EGFL6: variants seen among roughly 807,000 people sequenced by gnomAD.
The protein encoded by EGFL6 is EGF like domain multiple 6, also known as epidermal growth factor-like protein 6.
Under a neutral mutation model 43.1 loss-of-function variants are expected in EGFL6, and 42 were observed. That is an observed-to-expected ratio of 0.98 (90% CI 0.76 to 1.26). The LOEUF is 1.26. EGFL6 is among the 50% of genes most tolerant of loss of function. EGFL6 has a pLI of 0.00. For missense variants in EGFL6, 429 were observed against 427.8 expected (o/e 1.00, Z -0.02); for synonymous variants, 164 against 163.2 (o/e 1.01, Z -0.04).
rs1192643346 is a variant in EGFL6, at chrX:13,602,726, A to G, written c.401-591A>G. ...TGTATCTCTTTGGCCACACTGCATC[A>G]TATGGCCACTCCTTGCTGAAGGAAA... On this transcript the variant is annotated intron_variant, in intron 4 of 11. Coordinates refer to ENST00000361306, the MANE Select transcript of EGFL6 (RefSeq NM_015507.4). Among the ~76,000 whole-genome samples the G allele has an allele frequency of 2.7e-5, 3 of 112,260 alleles. No individual in the cohort carries two copies. In the East Asian group the frequency reaches 8.3e-4, roughly 31 times the overall value.
chrX:13,595,309 A>C (rs988622240), intron 3 of EGFL6, among the ~76,000 whole-genome samples: 6 of 111,868 alleles, frequency 5.4e-5, no homozygotes, highest in Non-Finnish European at 9.4e-5. Context: ...ATTTTTAAAA[A>C]TCCAGCAGTG....
rs1287900197 is a variant in EGFL6, at chrX:13,569,623, C to T, written c.-239C>T. 3.8e-5 allele frequency: 14 copies of T among 372,787 alleles called. No individual in the cohort carries two copies. The East Asian group carries it at 4.4e-4, about 12-fold the overall frequency. The allele number at this position is 372,787 out of a possible 1,213,427, so 30.7% of individuals were successfully genotyped here. On this transcript the variant is annotated 5_prime_UTR_variant, in exon 1 of 12. Coordinates refer to ENST00000361306, the MANE Select transcript of EGFL6 (RefSeq NM_015507.4). ...CTCGCTCACCCCGTCCAGCTTCATCCGCAGAGGAGCCTCGGCCAGGCTTGC... is the reference window on the plus strand; with the variant it reads ...CTCGCTCACCCCGTCCAGCTTCATCTGCAGAGGAGCCTCGGCCAGGCTTGC...
intron 1 of EGFL6, among the ~76,000 whole-genome samples, chrX:13,572,768 T>C (rs958695603): frequency 8.9e-6 from 1 of 112,027 alleles, no homozygotes; most frequent in African/African-American, 3.2e-5. Flanking sequence ...GGGTAATTGA[T>C]TTTTCTCAAA....
intron 7 of EGFL6, among the ~76,000 whole-genome samples, chrX:13,616,610 CA>C (rs748286483): frequency 0.01 from 874 of 84,050 alleles, 9 homozygotes; most frequent in African/African-American, 0.032. Context: ...AACTCTGTCT[CA>C]AAAAAAAAAA....
intron 10 of EGFL6, among the ~76,000 whole-genome samples, chrX:13,625,902 AAG>A (rs2045777779): frequency 2.6e-5 from 1 of 38,440 alleles, no homozygotes; most frequent in Non-Finnish European, 5.9e-5. Context: ...AAAAAAAAAA[AAG>A]AAAAAGAAAA....
At chrX:13,581,618 A>C (rs998705971) in intron 1 of EGFL6, among the ~76,000 whole-genome samples, 3 of 112,456 alleles carry the variant, frequency 2.7e-5, no homozygotes, top group Admixed American at 9.4e-5. Context: ...GTTTTCTGGA[A>C]TCTGACCATA....
chrX:13,630,886 C>T (rs1013474794), intron 11 of EGFL6, among the ~76,000 whole-genome samples: 3 of 112,303 alleles, frequency 2.7e-5, no homozygotes, highest in Non-Finnish European at 5.6e-5. Context: ...TTGTTGTGAG[C>T]ATGATTCTTA....
chrX:13,616,153 T>C (rs935142938), intron 7 of EGFL6, among the ~76,000 whole-genome samples: 1 of 112,429 alleles, frequency 8.9e-6, no homozygotes, highest in Non-Finnish European at 1.9e-5. Flanking sequence ...AATTAATTAC[T>C]TCTTTACATC....
Position 13,617,723 on chromosome X carries a change from G to A in EGFL6, c.779-7G>A. 1 of 1,181,748 alleles carries A rather than the reference G, an allele frequency of 8.5e-7. No homozygotes were observed. Among genetic ancestry groups the A allele is most frequent in the Non-Finnish European group, 1.1e-6 (1 of 878,633 alleles). ...ATTTGGAACATATTGCCTCTTATTTGTTTTAGCTATCCCTGAAAATTCTGT... is the reference window on the plus strand; with the variant it reads ...ATTTGGAACATATTGCCTCTTATTTATTTTAGCTATCCCTGAAAATTCTGT... On this transcript the variant is annotated splice_polypyrimidine_tract_variant and splice_region_variant and intron_variant, in intron 7 of 11. Transcript: ENST00000361306.
chrX:13,632,427 A>G (rs1024738976), intron 11 of EGFL6, among the ~76,000 whole-genome samples: 9 of 106,401 alleles, frequency 8.5e-5, no homozygotes, highest in African/African-American at 2.4e-4. Context: ...TCAGCCTCCG[A>G]AGTAGCTGGG....
At chrX:13,617,508 A>T (rs1243935205) in intron 7 of EGFL6, among the ~76,000 whole-genome samples, 2 of 112,416 alleles carry the variant, frequency 1.8e-5, no homozygotes, top group Non-Finnish European at 3.8e-5. Context: ...CCGAAGCAAA[A>T]CAAAAGCAAC....
At chrX:13,624,895 G>A (rs2045770091) in intron 10 of EGFL6, among the ~76,000 whole-genome samples, 1 of 111,996 alleles carries the variant, frequency 8.9e-6, no homozygotes, top group Non-Finnish European at 1.9e-5. Context: ...CAGCAGTTGT[G>A]TGAATGGGAC....
intron 7 of EGFL6, among the ~76,000 whole-genome samples, chrX:13,616,770 T>C (rs1457856002): frequency 8.9e-6 from 1 of 112,580 alleles, no homozygotes; most frequent in Non-Finnish European, 1.9e-5. Flanking sequence ...AATGAACTTT[T>C]TTGTACCTCT....
intron 7 of EGFL6, 39 bp downstream of exon 7, chrX:13,608,485 A>C: frequency 8.4e-7 from 1 of 1,191,845 alleles, no homozygotes; most frequent in Non-Finnish European, 1.1e-6. Flanking sequence ...GCTATTCCCA[A>C]TGAAGCATTC....
At chrX:13,602,487 T>C (rs1281177508) in intron 4 of EGFL6, among the ~76,000 whole-genome samples, 1 of 112,301 alleles carries the variant, frequency 8.9e-6, no homozygotes, top group Non-Finnish European at 1.9e-5. Context: ...TCCATCTCTG[T>C]CATCCTCAGA....
At chrX:13,580,904 A>G (rs974730450) in intron 1 of EGFL6, among the ~76,000 whole-genome samples, 1 of 112,089 alleles carries the variant, frequency 8.9e-6, no homozygotes, top group Admixed American at 9.4e-5. Flanking sequence ...CCCCATGCTT[A>G]CTATGAATGA....
chrX:13,575,320 C>G (rs1273133886), intron 1 of EGFL6, among the ~76,000 whole-genome samples: 1 of 111,524 alleles, frequency 9.0e-6, no homozygotes, highest in African/African-American at 3.3e-5. Flanking sequence ...ATCCCAGCTA[C>G]TCGGGAGGTT....
chrX:13,591,494 G>A (rs367580379), intron 2 of EGFL6, among the ~76,000 whole-genome samples: 1 of 112,036 alleles, frequency 8.9e-6, no homozygotes, highest in Non-Finnish European at 1.9e-5. Context: ...ATGATTTTTA[G>A]ATCTAAAATG....
At position 13,589,621 on chromosome X, in the gene EGFL6, T is replaced by C. The variant is rs758738494; in HGVS notation, c.140T>C (p.Leu47Pro). ...QPGVCHYGTKLACCYGWRRNS... is the reference protein window; with the variant it reads ...QPGVCHYGTKPACCYGWRRNS... ...GGGGTCTGTCACTATGGAACTAAAC[T>C]GGCCTGCTGCTACGGCTGGAGAAGA... Residue 47 changes from leucine to proline, a missense_variant, in exon 2 of 12, where the codon CTG becomes CCG. Leu to Pro is a moderately conservative substitution (Grantham distance 98). Transcript: ENST00000361306. 5 of 1,211,365 alleles carry C rather than the reference T, an allele frequency of 4.1e-6. No individual in the cohort carries two copies. The highest frequency in any genetic ancestry group is 5.6e-6 in the Non-Finnish European group (5 of 895,227).
Sources: gnomAD v4.1 joint callset for allele counts (sites outside exome capture counted in the v4.1 genomes callset) on GRCh38, gnomAD v4.1.1 for gene constraint, MANE v1.5 for transcripts, NCBI Gene and HGNC (gene_info 2026-07-23, HGNC 2026-07-21) for gene names.